SPATA1: variants seen among roughly 807,000 people sequenced by gnomAD.
The protein encoded by SPATA1 is spermatogenesis associated 1, also known as spermatogenesis-associated protein 1.
SPATA1 carries 57 observed loss-of-function variants against 59.6 expected under a neutral mutation model. That is an observed-to-expected ratio of 0.96 (90% confidence interval 0.77 to 1.19). The LOEUF is 1.19. SPATA1 is among the 50% of genes most tolerant of loss of function. SPATA1 has a pLI of 0.00. For synonymous variants in SPATA1, 147 were observed against 163.9 expected (o/e 0.90, Z 0.79); for missense variants, 448 against 480.7 (o/e 0.93, Z 0.64).
chr1:84,555,231 A>T, downstream of SPATA1: 1 of 1,513,626 alleles, frequency 6.6e-7, no homozygotes, highest in Non-Finnish European at 9.1e-7. Flanking sequence ...GAGATTTTAA[A>T]GTATTTAGTA....
At chr1:84,508,358 T>C (rs1483499727) in intron 1 of SPATA1, among the ~76,000 whole-genome samples, 1 of 152,216 alleles carries the variant, frequency 6.6e-6, no homozygotes, top group Non-Finnish European at 1.5e-5. Context: ...AAATATAGTT[T>C]ATGAACTATC....
downstream of SPATA1, among the ~76,000 whole-genome samples, chr1:84,558,497 TA>T (rs1684520266): frequency 6.6e-6 from 1 of 151,250 alleles, no homozygotes; most frequent in Non-Finnish European, 1.5e-5. Flanking sequence ...TTCACCGTTT[TA>T]GCCGGGATGG....
exon 4 of SPATA1, chr1:84,522,503 C>A: frequency 6.6e-7 from 1 of 1,504,708 alleles, no homozygotes; most frequent in South Asian, 1.4e-5. Context: ...AATAATTTAG[C>A]TGTGGTAAGT....
chr1:84,525,033 G>A (rs1683161037), intron 4 of SPATA1, among the ~76,000 whole-genome samples: 1 of 152,132 alleles, frequency 6.6e-6, no homozygotes, highest in South Asian at 2.1e-4. Context: ...CTGGAGTGCA[G>A]TGGTGCACTC....
intron 4 of SPATA1, among the ~76,000 whole-genome samples, chr1:84,564,621 C>T: frequency 6.6e-6 from 1 of 152,182 alleles, no homozygotes; most frequent in South Asian, 2.1e-4. Flanking sequence ...GATCTTCCCA[C>T]CTCAGCCTCC....
intron 4 of SPATA1, among the ~76,000 whole-genome samples, chr1:84,524,105 G>T (rs1317432370): frequency 4.6e-5 from 7 of 151,748 alleles, no homozygotes; most frequent in African/African-American, 1.7e-4. Context: ...TCCAGCAGGG[G>T]AAGAGGGTAA....
exon 13 of SPATA1, chr1:84,553,164 ATATG>A: frequency 8.5e-7 from 1 of 1,173,704 alleles, no homozygotes. Flanking sequence ...AAAAATTTAA[ATATG>A]TATTTGAACA....
At chr1:84,540,957 G>A (rs1232653457) in intron 8 of SPATA1, among the ~76,000 whole-genome samples, 1 of 152,254 alleles carries the variant, frequency 6.6e-6, no homozygotes, top group Non-Finnish European at 1.5e-5. Flanking sequence ...CTGCTCTAGA[G>A]CCTTCATACT....
downstream of SPATA1, among the ~76,000 whole-genome samples, chr1:84,557,535 AAAAAAAAAAAAAAAAAAAG>A (rs1302219140): frequency 2.5e-5 from 2 of 79,718 alleles, no homozygotes; most frequent in South Asian, 5.3e-4. Context: ...CTCCATCTCA[AAAAAAAAAAAAAAAAAAAG>A]AAAAAAAAAA....
chr1:84,540,748 T>C (rs1030961609), intron 8 of SPATA1, among the ~76,000 whole-genome samples: 1 of 152,254 alleles, frequency 6.6e-6, no homozygotes, highest in Non-Finnish European at 1.5e-5. Flanking sequence ...ATTCCCTTAG[T>C]TCTTGCACAT....
At chr1:84,511,679 CTTTT>C (rs1310907189) in intron 1 of SPATA1, among the ~76,000 whole-genome samples, 3 of 67,604 alleles carry the variant, frequency 4.4e-5, no homozygotes, top group East Asian at 8.5e-4. Flanking sequence ...TTCTTTCTTT[CTTTT>C]TTTTTTTTTT....
chr1:84,550,434 T>C (rs540959815), exon 12 of SPATA1: 2 of 1,513,226 alleles, frequency 1.3e-6, no homozygotes, highest in African/African-American at 1.4e-5. Flanking sequence ...CCACACAGAA[T>C]TACCTAATAA....
intron 2 of SPATA1, among the ~76,000 whole-genome samples, chr1:84,518,398 A>G (rs1336019645): frequency 1.3e-5 from 2 of 152,116 alleles, no homozygotes; most frequent in African/African-American, 4.8e-5. Flanking sequence ...TTTTTAGAAT[A>G]TGGATGCCAA....
At chr1:84,556,668 C>T (rs943096047), downstream of SPATA1, among the ~76,000 whole-genome samples, 3 of 146,958 alleles carry the variant, frequency 2.0e-5, no homozygotes, top group Admixed American at 1.4e-4. Flanking sequence ...GCTGAGATCA[C>T]GCCACTGCAC....
At chr1:84,521,929 G>C (rs1683044833) in intron 3 of SPATA1, among the ~76,000 whole-genome samples, 1 of 152,120 alleles carries the variant, frequency 6.6e-6, no homozygotes, top group South Asian at 2.1e-4. Flanking sequence ...ATATTCAGGA[G>C]CAAAGTATCC....
At chr1:84,510,923 C>T (rs1682510464) in intron 1 of SPATA1, among the ~76,000 whole-genome samples, 1 of 152,170 alleles carries the variant, frequency 6.6e-6, no homozygotes, top group South Asian at 2.1e-4. Context: ...GAAACACAAA[C>T]CTCACATGTT....
chr1:84,532,680 TAAAC>T (rs10606932), intron 6 of SPATA1, among the ~76,000 whole-genome samples, 176 bp from the exon 7 acceptor site: 25,115 of 152,020 alleles, frequency 0.17, 3,800 homozygotes, highest in African/African-American at 0.4. Flanking sequence ...TCTTTTCACA[TAAAC>T]AAATATTTCA....
intron 1 of SPATA1, among the ~76,000 whole-genome samples, chr1:84,514,393 T>A (rs1682706977): frequency 6.6e-6 from 1 of 152,156 alleles, no homozygotes; most frequent in Non-Finnish European, 1.5e-5. Context: ...ATCCAAAAGG[T>A]TTGGGATAAT....
chr1:84,531,164 G>A (rs1311877796), intron 6 of SPATA1, among the ~76,000 whole-genome samples: 1 of 151,338 alleles, frequency 6.6e-6, no homozygotes, highest in Non-Finnish European at 1.5e-5. Flanking sequence ...TTTTTGTTTT[G>A]TTTTGCCTTG....
Sources: allele counts gnomAD v4.1 joint callset (sites outside exome capture counted in the v4.1 genomes callset), GRCh38; gene constraint gnomAD v4.1.1; transcripts MANE v1.5; gene names NCBI Gene and HGNC (gene_info 2026-07-23, HGNC 2026-07-21).